The following GSE1 variants were observed in gnomAD, a reference collection of about 807,000 sequenced individuals.
GSE1 encodes the protein genetic suppressor element 1.
In GSE1, 32 loss-of-function variants were observed where a neutral mutation model predicts 112.6. That is an observed-to-expected ratio of 0.28 (90% CI 0.21 to 0.38). The LOEUF is 0.38. Among genes scored for constraint, GSE1 ranks in the 10% least tolerant of loss-of-function variants. The probability of loss-of-function intolerance (pLI) is 1.00; values close to 1 mark genes in which losing one functional copy is unlikely to be tolerated. For synonymous variants in GSE1, 1,115 were observed against 735.6 expected (o/e 1.52, Z -8.35); for missense variants, 2,348 against 1,699.2 (o/e 1.38, Z -6.71).
rs1427791992 is a variant in GSE1, at chr16:85,674,679, G to A, written c.*2140G>A. The A allele has an allele frequency of 6.6e-6, 1 of 152,356 alleles. No individual in the cohort carries two copies. The highest frequency in any genetic ancestry group is 6.5e-5 in the Admixed American group (1 of 15,304). The allele number at this position is 152,356 out of a possible 1,614,324, so 9.4% of individuals were successfully genotyped here. A position where few individuals can be genotyped will look rare whatever the true frequency, so the allele number is the denominator to read the frequency against. ...AAAGTAGATCCGATAACTTAAAAAC[G>A]TAGCTCATCCCTTACCATCCAAGGG... On this transcript the variant is annotated 3_prime_UTR_variant, in exon 16 of 16. Transcript: ENST00000253458.
At position 85,521,255 on chromosome 16, in the gene GSE1, A is replaced by G. The variant is rs78349427; in HGVS notation, c.2465-112659A>G. On this transcript the variant is annotated intron_variant, in intron 2 of 2. Coordinates refer to the GSE1 transcript ENST00000637419. ...GCGTGGGAGCTGGTTTTCTGTTTAGATTTAGAGACATAAACCCAAAGAGTG... is the reference window on the plus strand; with the variant it reads ...GCGTGGGAGCTGGTTTTCTGTTTAGGTTTAGAGACATAAACCCAAAGAGTG... Among the ~76,000 whole-genome samples the G allele has an allele frequency of 6.7e-3, 1,026 of 152,250 alleles. 16 individuals are homozygous for G. Among genetic ancestry groups the G allele is most frequent in the African/African-American group, 0.023 (947 of 41,538 alleles).
intron 1 of GSE1, among the ~76,000 whole-genome samples, chr16:85,329,987 T>C (rs1188551308): frequency 6.6e-6 from 1 of 152,034 alleles, no homozygotes; most frequent in African/African-American, 2.4e-5. Flanking sequence ...GCTTCCTGCT[T>C]TATTTTCTGC....
chr16:85,505,648 C>T (rs780825011), intron 2 of GSE1, among the ~76,000 whole-genome samples: 13 of 152,058 alleles, frequency 8.5e-5, no homozygotes, highest in Non-Finnish European at 1.3e-4. Context: ...CAGGGTCTGG[C>T]GTGTATAGAC....
chr16:85,464,989 AAC>A (rs1451284955), intron 2 of GSE1, among the ~76,000 whole-genome samples: 1 of 152,204 alleles, frequency 6.6e-6, no homozygotes, highest in African/African-American at 2.4e-5. Flanking sequence ...CAGGTGAGGA[AAC>A]AGTGTGCTCG....
At chr16:85,180,047 C>T (rs115588053) in intron 1 of GSE1, among the ~76,000 whole-genome samples, 2,627 of 152,292 alleles carry the variant, frequency 0.017, 83 homozygotes, top group African/African-American at 0.061. Flanking sequence ...AAGACCTGGG[C>T]GGTTGGGGTC....
At chr16:85,362,058 G>C (rs1421521507) in intron 2 of GSE1, among the ~76,000 whole-genome samples, 1 of 152,154 alleles carries the variant, frequency 6.6e-6, no homozygotes, top group African/African-American at 2.4e-5. Context: ...TGGCTGCCGG[G>C]AGTACAGCTC....
intron 1 of GSE1, among the ~76,000 whole-genome samples, chr16:85,193,240 TCGTGA>T (rs1382915033): frequency 6.6e-6 from 1 of 152,230 alleles, no homozygotes; most frequent in African/African-American, 2.4e-5. Flanking sequence ...TATTGAACAC[TCGTGA>T]CGTGGATAGG....
intron 1 of GSE1, among the ~76,000 whole-genome samples, chr16:85,186,981 T>G (rs1301594087): frequency 6.6e-6 from 1 of 152,208 alleles, no homozygotes. Context: ...CTCAGGGTGA[T>G]TTGGTGGGGT....
chr16:85,429,351 G>C (rs2049065550), intron 2 of GSE1, among the ~76,000 whole-genome samples: 1 of 152,248 alleles, frequency 6.6e-6, no homozygotes, highest in South Asian at 2.1e-4. Flanking sequence ...TCTTCTGTCT[G>C]GGGGCAGAGC....
intron 2 of GSE1, among the ~76,000 whole-genome samples, chr16:85,434,778 C>T (rs1243348986): frequency 6.6e-6 from 1 of 152,234 alleles, no homozygotes; most frequent in Non-Finnish European, 1.5e-5. Context: ...GATCGTGCTT[C>T]TGCACTCCAG....
At chr16:85,560,844 G>A (rs184990508) in intron 1 of GSE1, among the ~76,000 whole-genome samples, 1 of 152,112 alleles carries the variant, frequency 6.6e-6, no homozygotes, top group East Asian at 1.9e-4. Context: ...TAATAATAAC[G>A]AGGACTGGGC....
At chr16:85,578,662 A>G (rs2046328913) in intron 1 of GSE1, among the ~76,000 whole-genome samples, 1 of 152,176 alleles carries the variant, frequency 6.6e-6, no homozygotes, top group Admixed American at 6.5e-5. Flanking sequence ...GTGTCCCCCG[A>G]ATCAGGCAGC....
At chr16:85,434,247 G>T (rs906834495) in intron 2 of GSE1, among the ~76,000 whole-genome samples, 2 of 151,762 alleles carry the variant, frequency 1.3e-5, no homozygotes, top group Admixed American at 6.6e-5. Flanking sequence ...ACGCCTTACA[G>T]CCCCTCCTGC....
chr16:85,657,505 A>G lies in GSE1; in HGVS notation c.1541A>G (p.Gln514Arg), dbSNP rs1340992648. 1 of 1,605,692 alleles carries G rather than the reference A, an allele frequency of 6.2e-7. No individual in the cohort carries two copies. Among genetic ancestry groups the G allele is most frequent in the Non-Finnish European group, 8.5e-7 (1 of 1,176,746 alleles). ...CAGGAGAAGGAGGACCGGCAGTCTC[A>G]GGTGTCCGAGTTCCGGCAGCAGGTG... is the stretch of plus-strand genomic sequence containing the variant. ...LRQEKEDRQS[Q>R]VSEFRQQVLE... The change falls in exon 8 of 16, where the codon CAG (glutamine) becomes CGG (arginine). Residue 514 changes from glutamine (Q) to arginine (R), a missense_variant. Coordinates refer to ENST00000253458, the MANE Select transcript of GSE1 (RefSeq NM_014615.5).
At chr16:85,533,599 C>T (rs2044210485) in intron 2 of GSE1, among the ~76,000 whole-genome samples, 4 of 152,236 alleles carry the variant, frequency 2.6e-5, no homozygotes, top group East Asian at 1.9e-4. Flanking sequence ...CATGGTGGCT[C>T]ATGACTGTAA....
rs544034049 is a variant in GSE1, at chr16:85,653,956, C to G, written c.427-322C>G. ...CACCAGGAGGGGTGGAGGCAGGAGC[C>G]CCTGCCACCCTGCATCCTTCACCTG... On this transcript the variant is annotated intron_variant, in intron 3 of 15. Coordinates refer to ENST00000253458, the MANE Select transcript of GSE1 (RefSeq NM_014615.5). Among the ~76,000 whole-genome samples the G allele has an allele frequency of 8.9e-4, 135 of 152,178 alleles. 2 individuals carry two copies. The highest frequency in any genetic ancestry group is 3.4e-3 in the Middle Eastern group (1 of 294).
intron 2 of GSE1, among the ~76,000 whole-genome samples, chr16:85,545,844 G>A (rs1441176751): frequency 6.6e-6 from 1 of 151,924 alleles, no homozygotes; most frequent in East Asian, 1.9e-4. Context: ...GTACAGTGGC[G>A]TGATCTCGGC....
intron 2 of GSE1, among the ~76,000 whole-genome samples, chr16:85,647,275 G>A (rs931969788): frequency 6.6e-6 from 1 of 152,120 alleles, no homozygotes; most frequent in Non-Finnish European, 1.5e-5. Flanking sequence ...CCTGCTACCC[G>A]CGGGGCTGCA....
chr16:85,516,400 A>G (rs1202132335), intron 2 of GSE1, among the ~76,000 whole-genome samples: 1 of 146,208 alleles, frequency 6.8e-6, no homozygotes, highest in Non-Finnish European at 1.5e-5. Flanking sequence ...TATTTCAACA[A>G]TGATTAAATA....
Sources: gnomAD v4.1 joint callset for allele counts (sites outside exome capture counted in the v4.1 genomes callset) on GRCh38, gnomAD v4.1.1 for gene constraint, MANE v1.5 for transcripts, NCBI Gene and HGNC (gene_info 2026-07-23, HGNC 2026-07-21) for gene names.